The following CADM2 variants were observed in gnomAD, a reference collection of about 807,000 sequenced individuals.
CADM2 encodes immunoglobulin superfamily member 4D.
In CADM2, 12 loss-of-function variants were observed where a neutral mutation model predicts 49.8. The ratio of observed to expected loss-of-function variants is 0.24; its 90% CI spans 0.15 to 0.39. The LOEUF (loss-of-function observed/expected upper bound fraction) is 0.39, where lower values mean the gene tolerates loss of function less well. Among genes scored for constraint, CADM2 ranks in the 10% least tolerant of loss-of-function variants. The probability of loss-of-function intolerance (pLI) is 1.00; values close to 1 mark genes in which losing one functional copy is unlikely to be tolerated. For missense variants in CADM2, 378 were observed against 492.3 expected (o/e 0.77, Z 2.20); for synonymous variants, 214 against 175.4 (o/e 1.22, Z -1.74).
chr3:85,808,127 A>G (rs2072569933), intron 3 of CADM2, among the ~76,000 whole-genome samples: 1 of 152,216 alleles, frequency 6.6e-6, no homozygotes, highest in Non-Finnish European at 1.5e-5. Flanking sequence ...AAATTCAATT[A>G]CAATTCCACT....
chr3:85,147,418 G>T (rs376253591), intron 1 of CADM2, among the ~76,000 whole-genome samples: 1 of 151,824 alleles, frequency 6.6e-6, no homozygotes, highest in South Asian at 2.1e-4. Flanking sequence ...TTGAGAAACT[G>T]CTGGATTAGT....
chr3:85,209,579 C>T (rs1243675704), intron 1 of CADM2, among the ~76,000 whole-genome samples: 2 of 152,064 alleles, frequency 1.3e-5, no homozygotes, highest in Admixed American at 1.3e-4. Flanking sequence ...CCTCATTTGA[C>T]CTCAGACTCT....
At chr3:85,155,895 G>T (rs1451075986) in intron 1 of CADM2, among the ~76,000 whole-genome samples, 1 of 152,130 alleles carries the variant, frequency 6.6e-6, no homozygotes, top group Non-Finnish European at 1.5e-5. Context: ...AAACCAATGA[G>T]ATCAAAGACA....
chr3:84,987,500 GTCC>G (rs1467014753), intron 1 of CADM2, among the ~76,000 whole-genome samples: 1 of 152,010 alleles, frequency 6.6e-6, no homozygotes, highest in Admixed American at 6.6e-5. Flanking sequence ...CTTGAACATA[GTCC>G]TCTTCCTGTT....
At chr3:86,012,512 C>T (rs765475025) in intron 8 of CADM2, 12 of 1,267,602 alleles carry the variant, frequency 9.5e-6, no homozygotes, top group Non-Finnish European at 1.3e-5. Context: ...GCGGACTGCC[C>T]TGAGGAGGCC....
chr3:85,048,397 A>G (rs545593402), intron 1 of CADM2, among the ~76,000 whole-genome samples: 1 of 152,294 alleles, frequency 6.6e-6, no homozygotes, highest in African/African-American at 2.4e-5. Context: ...ACAAGGAAAC[A>G]TTTCCCAGAG....
intron 1 of CADM2, among the ~76,000 whole-genome samples, chr3:85,706,542 G>T (rs1464946402): frequency 6.6e-6 from 1 of 152,004 alleles, no homozygotes; most frequent in Non-Finnish European, 1.5e-5. Context: ...TGGTACCTTT[G>T]TATCAGAATT....
chr3:85,805,198 C>A (rs1311005347), intron 3 of CADM2, among the ~76,000 whole-genome samples: 2 of 152,144 alleles, frequency 1.3e-5, no homozygotes, highest in Admixed American at 6.6e-5. Context: ...CCTGCCTTGG[C>A]CTCTCAAAGT....
intron 1 of CADM2, among the ~76,000 whole-genome samples, chr3:85,555,882 A>T (rs1253974702): frequency 6.6e-6 from 1 of 152,168 alleles, no homozygotes; most frequent in Non-Finnish European, 1.5e-5. Flanking sequence ...TAGACATTGA[A>T]ATAGATTTTA....
chr3:85,833,246 A>G (rs537998107), intron 3 of CADM2, among the ~76,000 whole-genome samples: 2 of 151,706 alleles, frequency 1.3e-5, no homozygotes, highest in Admixed American at 1.3e-4. Context: ...TTTTTAATCT[A>G]TGTTCATCAG....
intron 8 of CADM2, among the ~76,000 whole-genome samples, chr3:85,981,475 T>C (rs1335907006): frequency 1.3e-5 from 2 of 151,450 alleles, no homozygotes; most frequent in Non-Finnish European, 3.0e-5. Context: ...GCATAGTATG[T>C]GATAGGTAGT....
chr3:85,475,504 A>T (rs1230076830), intron 1 of CADM2, among the ~76,000 whole-genome samples: 1 of 151,874 alleles, frequency 6.6e-6, no homozygotes, highest in Non-Finnish European at 1.5e-5. Context: ...ATCTTTTTTC[A>T]GATTCTCTTT....
intron 1 of CADM2, among the ~76,000 whole-genome samples, chr3:85,626,442 T>G (rs1318636922): frequency 6.6e-6 from 1 of 151,858 alleles, no homozygotes; most frequent in Non-Finnish European, 1.5e-5. Context: ...TTATCTTTCT[T>G]TTTCTCAAAA....
intron 1 of CADM2, among the ~76,000 whole-genome samples, chr3:85,405,107 T>A (rs1279762831): frequency 6.6e-6 from 1 of 152,250 alleles, no homozygotes; most frequent in Middle Eastern, 3.4e-3. Context: ...TGCATAATAC[T>A]GTGAAGAACT....
intron 3 of CADM2, among the ~76,000 whole-genome samples, chr3:85,846,075 A>C (rs1450400569): frequency 6.6e-6 from 1 of 152,206 alleles, no homozygotes; most frequent in Non-Finnish European, 1.5e-5. Context: ...GGAGAGACTC[A>C]GAGAAGTTCT....
rs138726875 is a variant in CADM2, at chr3:85,563,411, T to TGTGTG, written c.62-163110_62-163109insTGTGG. 1.5e-4 allele frequency among the ~76,000 whole-genome samples: 21 copies of TGTGTG among 142,154 alleles called. 2 individuals carry two copies. Among genetic ancestry groups the TGTGTG allele is most frequent in the East Asian group, 6.5e-4 (3 of 4,604 alleles). The allele number at this position is 142,154 out of a possible 152,430, so 93.3% of individuals were successfully genotyped here. On this transcript the variant is annotated intron_variant, in intron 1 of 9. Coordinates refer to ENST00000383699, the MANE Select transcript of CADM2 (RefSeq NM_001167675.2). ...AAAACAGGGAATTTTTGTGTGTGTG[T>TGTGTG]GGGGGGGTGGTAATTTAGCTAAAAT...
At chr3:85,627,627 CTA>C (rs1218878903) in intron 1 of CADM2, among the ~76,000 whole-genome samples, 1 of 151,850 alleles carries the variant, frequency 6.6e-6, no homozygotes, top group Admixed American at 6.6e-5. Flanking sequence ...ACAAAGATAA[CTA>C]TGGCTCTTTC....
chr3:85,991,059 A>T (rs1034726049), intron 8 of CADM2, among the ~76,000 whole-genome samples: 1 of 152,208 alleles, frequency 6.6e-6, no homozygotes, highest in East Asian at 1.9e-4. Flanking sequence ...GGTGGGAAAG[A>T]TGCCAATCCC....
At chr3:85,947,029 A>G (rs1722802823) in intron 7 of CADM2, among the ~76,000 whole-genome samples, 1 of 152,040 alleles carries the variant, frequency 6.6e-6, no homozygotes, top group South Asian at 2.1e-4. Context: ...ATGGGAGAAA[A>G]TTTTTGCAAT....
Sources: gnomAD v4.1 joint callset for allele counts (sites outside exome capture counted in the v4.1 genomes callset) on GRCh38, gnomAD v4.1.1 for gene constraint, MANE v1.5 for transcripts, NCBI Gene and HGNC (gene_info 2026-07-23, HGNC 2026-07-21) for gene names.